LRRFIP1: variants seen among roughly 807,000 people sequenced by gnomAD.
The protein encoded by LRRFIP1 is leucine-rich repeat flightless-interacting protein 1.
A neutral mutation model predicts 104.4 loss-of-function variants in LRRFIP1; 62 were observed. That is an observed-to-expected ratio of 0.59 (90% CI 0.48 to 0.73). LRRFIP1 has a LOEUF of 0.73. Among genes scored for constraint, LRRFIP1 ranks in the 30% least tolerant of loss-of-function variants. LRRFIP1 has a pLI of 0.00. For missense variants in LRRFIP1, 796 were observed against 824.5 expected, an observed-to-expected ratio of 0.97 and a Z score of 0.42; for synonymous variants, 300 against 299.0, an observed-to-expected ratio of 1.00 and a Z score of -0.03.
At chr2:237,671,176 C>T (rs1266689048) in intron 1 of LRRFIP1, among the ~76,000 whole-genome samples, 2 of 152,214 alleles carry the variant, frequency 1.3e-5, no homozygotes, top group Non-Finnish European at 2.9e-5. Context: ...GTTCCCTTTC[C>T]AAGCAGTGAC....
chr2:237,679,408 AATG>A (rs1175666575), intron 1 of LRRFIP1, among the ~76,000 whole-genome samples: 1 of 152,202 alleles, frequency 6.6e-6, no homozygotes, highest in East Asian at 1.9e-4. Flanking sequence ...ATAACCGTAA[AATG>A]ATGATGATAA....
intron 8 of LRRFIP1, chr2:237,729,870 T>G (rs1032959166): frequency 1.0e-6 from 1 of 973,204 alleles, no homozygotes; most frequent in East Asian, 1.1e-4. Context: ...TCTTTCACAT[T>G]CTCTTCAGAA....
chr2:237,692,781 C>T (rs1428098867), intron 1 of LRRFIP1, among the ~76,000 whole-genome samples: 1 of 152,246 alleles, frequency 6.6e-6, no homozygotes, highest in Non-Finnish European at 1.5e-5. Context: ...TGGTCTCTCC[C>T]CGCCCGAGGT....
chr2:237,688,441 CT>C (rs5839674), intron 1 of LRRFIP1, among the ~76,000 whole-genome samples: 68,660 of 132,232 alleles, frequency 0.52, 17,352 homozygotes, highest in Middle Eastern at 0.66. Context: ...GATGGACCCC[CT>C]TTTTTTTTTT....
At position 237,691,938 on chromosome 2, in the gene LRRFIP1, G is replaced by A. The variant is rs1441051248; in HGVS notation, c.97-16606G>A. The stretch of plus-strand genomic sequence containing the variant: ...GGGGCGGGGCTCGCGTTAAGGGAGC[G>A]CGGAAGGGCGGGACAGGCCGTGGGG... On this transcript the variant is annotated intron_variant, in intron 1 of 23. Transcript: ENST00000308482. This position sits in a 1 kb window ranked among gnomAD's most constrained non-coding sequence, Gnocchi z 5.4. 6.7e-6 allele frequency among the ~76,000 whole-genome samples: 1 copy of A among 149,018 alleles called. No homozygotes were observed. The highest frequency in any genetic ancestry group is 2.5e-5 in the African/African-American group (1 of 40,328).
At chr2:237,709,351 A>G (rs2093964393) in intron 2 of LRRFIP1, among the ~76,000 whole-genome samples, 2 of 152,202 alleles carry the variant, frequency 1.3e-5, no homozygotes, top group Admixed American at 6.5e-5. Context: ...CCCGTGGGCC[A>G]TGCCCTGTGG....
chr2:237,664,282 C>T (rs2088736565), intron 1 of LRRFIP1, among the ~76,000 whole-genome samples: 1 of 152,262 alleles, frequency 6.6e-6, no homozygotes, highest in African/African-American at 2.4e-5. Context: ...GGCAAAGAGG[C>T]CGGCGGCGTT....
rs1245750668 is a variant in LRRFIP1 at position 237,691,898 on chromosome 2, C to T, written c.97-16646C>T. ...CAGGACCAGGAAGATCCTTCCGAGA[C>T]GGAGCGCGGGGGGCGGGGCGGGGCT... On this transcript the variant is annotated intron_variant, in intron 1 of 23. Coordinates refer to ENST00000308482, the MANE Select transcript of LRRFIP1 (RefSeq NM_001137550.2). The surrounding 1 kb of genome is among the most constrained non-coding windows in gnomAD (Gnocchi z 5.4). Among the ~76,000 whole-genome samples, 6 of 131,888 alleles carry T rather than the reference C, an allele frequency of 4.5e-5. No individual in the cohort carries two copies. The highest frequency in any genetic ancestry group is 9.6e-5 in the Non-Finnish European group (6 of 62,686). 86.5% of individuals were successfully genotyped at this position (131,888 alleles called of 152,430 possible).
intron 1 of LRRFIP1, among the ~76,000 whole-genome samples, chr2:237,690,208 C>T (rs2092671567): frequency 6.6e-6 from 1 of 152,132 alleles, no homozygotes; most frequent in Admixed American, 6.5e-5. Context: ...GTCCCAGTAC[C>T]CTGCTCTGGG....
intron 15 of LRRFIP1, among the ~76,000 whole-genome samples, chr2:237,754,315 A>G (rs1053383768): frequency 6.6e-5 from 10 of 152,224 alleles, no homozygotes; most frequent in Non-Finnish European, 1.3e-4. Flanking sequence ...AGAGAGAGAG[A>G]TAGTCTTATC....
intron 1 of LRRFIP1, among the ~76,000 whole-genome samples, chr2:237,687,603 C>CAAAAAA (rs58549867): frequency 1.2e-5 from 1 of 81,098 alleles, no homozygotes; most frequent in African/African-American, 4.7e-5. Flanking sequence ...GACTCCATCT[C>CAAAAAA]AAAAAAAAAA....
rs754514275 is a variant in LRRFIP1 at position 237,727,942 on chromosome 2, A to G, written c.444+7A>G. 8.1e-6 allele frequency: 13 copies of G among 1,599,180 alleles called. No individual in the cohort carries two copies. Among genetic ancestry groups the G allele is most frequent in the African/African-American group, 1.3e-5 (1 of 74,472 alleles). ...GAATAGAAGATCTGGCAGGGTTAGT[A>G]TAGTAAATTTGCATGGCTCAAAATT... is the stretch of plus-strand genomic sequence containing the variant. On this transcript the variant is annotated splice_region_variant and intron_variant, in intron 8 of 23. Coordinates refer to ENST00000308482, the MANE Select transcript of LRRFIP1 (RefSeq NM_001137550.2).
chr2:237,692,402 C>T (rs1047437249), intron 1 of LRRFIP1: 3 of 1,432,386 alleles, frequency 2.1e-6, no homozygotes, highest in Admixed American at 5.7e-5. Context: ...CGAGGGGCTC[C>T]CGGCGCGGTC....
rs1429831027 is a variant in LRRFIP1, at chr2:237,649,634, T to A, written c.96+21894T>A. Among the ~76,000 whole-genome samples, 1 of 151,970 alleles carries A rather than the reference T, an allele frequency of 6.6e-6. No homozygotes were observed. The highest frequency in any genetic ancestry group is 1.5e-5 in the Non-Finnish European group (1 of 67,940). On this transcript the variant is annotated intron_variant, in intron 1 of 23. Coordinates refer to ENST00000308482, the MANE Select transcript of LRRFIP1 (RefSeq NM_001137550.2). The surrounding 1 kb of genome is among the most constrained non-coding windows in gnomAD (Gnocchi z 4.1). ...TTTGTTTTTCTGAGAAGAAGGTGAC[T>A]TTTCCCGGTTGCTGTCCATGCAGAC...
At chr2:237,728,699 A>G (rs1246058366) in intron 8 of LRRFIP1, among the ~76,000 whole-genome samples, 1 of 152,010 alleles carries the variant, frequency 6.6e-6, no homozygotes, top group Non-Finnish European at 1.5e-5. Flanking sequence ...TCTTTTAGTA[A>G]TATTCCTAAT....
intron 1 of LRRFIP1, among the ~76,000 whole-genome samples, chr2:237,696,758 C>G (rs2093212243): frequency 6.6e-6 from 1 of 152,228 alleles, no homozygotes; most frequent in Admixed American, 6.5e-5. Flanking sequence ...CAGGCAGGGG[C>G]TGGCAGGTAG....
chr2:237,718,810 A>G (rs561451046), intron 4 of LRRFIP1, among the ~76,000 whole-genome samples: 10 of 152,398 alleles, frequency 6.6e-5, no homozygotes, highest in African/African-American at 2.4e-4. Flanking sequence ...CACTTACTGT[A>G]TTGAAAATAT....
intron 1 of LRRFIP1, among the ~76,000 whole-genome samples, chr2:237,636,183 C>T (rs557365959): frequency 4.6e-5 from 7 of 151,736 alleles, no homozygotes; most frequent in Admixed American, 2.0e-4. Context: ...ATTTTTCCCC[C>T]ACTTATTGAG....
At chr2:237,772,677 A>C (rs2060754881) in intron 21 of LRRFIP1, 189 bp from the exon 22 acceptor site, 2 of 598,126 alleles carry the variant, frequency 3.3e-6, no homozygotes, top group East Asian at 2.8e-5. Flanking sequence ...GGCGGAAGGC[A>C]CTTTCCCTGG....
Sources: gnomAD v4.1 joint callset for allele counts (sites outside exome capture counted in the v4.1 genomes callset) on GRCh38, gnomAD v4.1.1 for gene constraint, Gnocchi (gnomAD v3.1) non-coding constraint, MANE v1.5 for transcripts, NCBI Gene and HGNC (gene_info 2026-07-23, HGNC 2026-07-21) for gene names.